Variants in PIGS observed in about 807,000 individuals in gnomAD.
PIGS encodes the protein phosphatidylinositol glycan anchor biosynthesis class S.
In PIGS, 37 loss-of-function variants were observed where a neutral mutation model predicts 58.2. The observed-to-expected ratio is 0.64, with a 90% CI of 0.49 to 0.84. The LOEUF (loss-of-function observed/expected upper bound fraction) is 0.84. Ranked by LOEUF, PIGS falls within the 40% of genes least tolerant of loss-of-function variation. The pLI is 0.00. For synonymous variants in PIGS, 269 were observed against 289.2 expected (o/e 0.93, Z 0.71); for missense variants, 629 against 710.8 (o/e 0.88, Z 1.31).
Position 28,556,268 on chromosome 17 carries a change from T to A in PIGS, c.1081-2A>T, listed in dbSNP as rs1393434492. 22 of 1,596,742 alleles carry A rather than the reference T, an allele frequency of 1.4e-5. No homozygotes were observed. The highest frequency in any genetic ancestry group is 1.9e-5 in the Non-Finnish European group (22 of 1,164,264). On this transcript the variant is annotated splice_acceptor_variant, in intron 9 of 11. Coordinates refer to ENST00000308360, the MANE Select transcript of PIGS (RefSeq NM_033198.4). LOFTEE classifies it high-confidence loss of function. ...GGTTTTGGAGTCAACATTATATACCTGAAAGGGGGAATGAGATTGCCACAA... is the reference window on the plus strand; with the variant it reads ...GGTTTTGGAGTCAACATTATATACCAGAAAGGGGGAATGAGATTGCCACAA...
chr17:28,561,204 G>C (rs1487368515), intron 6 of PIGS, among the ~76,000 whole-genome samples: 1 of 152,130 alleles, frequency 6.6e-6, no homozygotes, highest in African/African-American at 2.4e-5. Flanking sequence ...CTTGCAGTGA[G>C]CCGAGATAGT....
chr17:28,570,721 C>G (rs2070421778), intron 3 of PIGS, 131 bp downstream of exon 3: 1 of 820,218 alleles, frequency 1.2e-6, no homozygotes, highest in South Asian at 1.7e-5. Flanking sequence ...TGACCAAACA[C>G]ACTGTTCATT....
rs759955704 is a variant in PIGS, at chr17:28,561,462, C to G, written c.636G>C (p.Lys212Asn). The G allele has an allele frequency of 6.2e-7, 1 of 1,614,044 alleles. No homozygotes were observed. The highest frequency in any genetic ancestry group is 8.5e-7 in the Non-Finnish European group (1 of 1,179,934). ...GAGGCCGCCTCTTCTCAGCGCTCCA[C>G]TTGTCCTCTGGAAGGTGGTCAGCCA... ...AALADHLPED[K>N]WSAEKRRPLK... The change falls in exon 6 of 12, where the codon AAG becomes AAC. Residue 212 changes from lysine to asparagine, a missense_variant. Lys to Asn is a moderately conservative substitution (Grantham distance 94). Coordinates refer to ENST00000308360, the MANE Select transcript of PIGS (RefSeq NM_033198.4).
At position 28,564,371 on chromosome 17, in the gene PIGS, T is replaced by C. The variant is rs112857348; in HGVS notation, c.287-464A>G. 4.2e-3 allele frequency among the ~76,000 whole-genome samples: 643 copies of C among 152,072 alleles called. 6 individuals are homozygous for C. Among genetic ancestry groups the C allele is most frequent in the African/African-American group, 0.015 (602 of 41,456 alleles). On this transcript the variant is annotated intron_variant, in intron 3 of 11. Coordinates refer to ENST00000308360, the MANE Select transcript of PIGS (RefSeq NM_033198.4). ...TCCCTTGATCTCATGAGTTGGAGAT[T>C]AGCCTGGACAACATGATGAAACCCC...
At chr17:28,569,223 C>A (rs1030993279) in intron 3 of PIGS, among the ~76,000 whole-genome samples, 2 of 151,634 alleles carry the variant, frequency 1.3e-5, no homozygotes, top group African/African-American at 4.8e-5. Flanking sequence ...CACTTGTAAT[C>A]CCAGCACTTT....
intron 5 of PIGS, 150 bp downstream of exon 5, chr17:28,563,281 A>C: frequency 1.6e-6 from 1 of 625,694 alleles, no homozygotes; most frequent in South Asian, 2.0e-5. Flanking sequence ...CAACAGAGCA[A>C]GACTCCGTCT....
rs2070343947 is a variant in PIGS at position 28,558,461 on chromosome 17, T to A, written c.934+15A>T. ...GCCTGGCAGAAAAGAAAGACCCTCA[T>A]CCTTAGGTGCTCACCCAGCCGGGAC... On this transcript the variant is annotated intron_variant, in intron 8 of 11. Transcript: ENST00000308360. 6.3e-7 allele frequency: 1 copy of A among 1,590,250 alleles called. No homozygotes were observed. Among genetic ancestry groups the A allele is most frequent in the South Asian group, 1.1e-5 (1 of 88,758 alleles).
intron 3 of PIGS, among the ~76,000 whole-genome samples, chr17:28,566,250 C>A: frequency 6.8e-6 from 1 of 147,818 alleles, no homozygotes; most frequent in African/African-American, 2.5e-5. Flanking sequence ...AAAAAAGGAC[C>A]CCTTGTCTAC....
intron 8 of PIGS, chr17:28,557,437 C>T (rs990666196): frequency 1.1e-5 from 2 of 180,194 alleles, no homozygotes; most frequent in Admixed American, 1.3e-4. Flanking sequence ...GTCACTCACT[C>T]ACATTTCAGC....
chr17:28,559,491 G>A (rs2070349769), intron 7 of PIGS, among the ~76,000 whole-genome samples: 1 of 150,870 alleles, frequency 6.6e-6, no homozygotes, highest in African/African-American at 2.4e-5. Context: ...AATCAGCTGG[G>A]CAAAGATCAA....
chr17:28,568,251 C>T (rs901889832), intron 3 of PIGS, among the ~76,000 whole-genome samples: 28 of 152,022 alleles, frequency 1.8e-4, no homozygotes, highest in Non-Finnish European at 2.8e-4. Context: ...TACAGGCGCC[C>T]GCCACCACGC....
intron 9 of PIGS, chr17:28,556,539 G>A (rs1286006808): frequency 2.8e-6 from 2 of 720,470 alleles, no homozygotes; most frequent in Non-Finnish European, 5.0e-6. Context: ...GGGAGACAAG[G>A]CTCCCAACCT....
At chr17:28,570,097 C>T (rs145167175) in intron 3 of PIGS, among the ~76,000 whole-genome samples, 7 of 152,322 alleles carry the variant, frequency 4.6e-5, no homozygotes, top group African/African-American at 1.7e-4. Context: ...TATACTTCTA[C>T]TGTAATTTAT....
chr17:28,560,247 C>T (rs2070355368), intron 6 of PIGS, 56 bp from the exon 7 acceptor site: 1 of 1,559,166 alleles, frequency 6.4e-7, no homozygotes, highest in South Asian at 1.1e-5. Context: ...AGAAGAGGGG[C>T]AGCCTGTACT....
intron 3 of PIGS, among the ~76,000 whole-genome samples, chr17:28,565,233 A>T (rs890785201): frequency 5.3e-5 from 8 of 152,220 alleles, no homozygotes; most frequent in African/African-American, 1.9e-4. Flanking sequence ...AATTAGAAAC[A>T]TCTTTTAAAA....
At position 28,554,483 on chromosome 17, in the gene PIGS, C is replaced by T. The variant is rs1354878938; in HGVS notation, c.1405G>A (p.Val469Ile). ...TCTGCCGACTTCTGGACGGCAGCTA[C>T]AGCCTTGTACACCTAGGAAGGAGAA... ...DDVASEVYKA[V>I]AAVQKSAEEL... is the part of the protein sequence containing the mutation. The change falls in exon 12 of 12, where the codon GTA (valine) becomes ATA (isoleucine). Residue 469 changes from valine to isoleucine, a missense_variant. By Grantham distance (29) the Val-to-Ile change is conservative. Coordinates refer to ENST00000308360, the MANE Select transcript of PIGS (RefSeq NM_033198.4). 1.9e-6 allele frequency: 3 copies of T among 1,614,038 alleles called. No homozygotes were observed. The highest frequency in any genetic ancestry group is 2.5e-6 in the Non-Finnish European group (3 of 1,179,984).
chr17:28,553,421 A>G lies in PIGS; in HGVS notation c.*799T>C, dbSNP rs1334101360. 6.6e-6 allele frequency: 1 copy of G among 152,414 alleles called. No homozygotes were observed. Among genetic ancestry groups the G allele is most frequent in the African/African-American group, 2.4e-5 (1 of 41,364 alleles). 9.4% of individuals were successfully genotyped at this position (152,414 alleles called of 1,614,324 possible). A position where few individuals can be genotyped will look rare whatever the true frequency, so the allele number is the denominator to read the frequency against. On this transcript the variant is annotated 3_prime_UTR_variant, in exon 12 of 12. Coordinates refer to ENST00000308360, the MANE Select transcript of PIGS (RefSeq NM_033198.4). ...AATTCATATTCAGCCAGTGTTTATT[A>G]AGAGCCTACTACACGCCAGACACTT...
chr17:28,563,111 GC>G (rs2070373731), intron 5 of PIGS, among the ~76,000 whole-genome samples: 1 of 152,094 alleles, frequency 6.6e-6, no homozygotes, highest in South Asian at 2.1e-4. Context: ...TTCGAGACCA[GC>G]CTGACCAACG....
At position 28,570,839 on chromosome 17, in the gene PIGS, C is replaced by G. The variant is rs1246158719; in HGVS notation, c.286+13G>C. ...TCAGAGGCGAAAAGCAGCCCTGATC[C>G]CCAGTAACTCACATTTCAGAGGAAT... On this transcript the variant is annotated intron_variant, in intron 3 of 11. Coordinates refer to ENST00000308360, the MANE Select transcript of PIGS (RefSeq NM_033198.4). The G allele has an allele frequency of 6.2e-7, 1 of 1,613,884 alleles. No homozygotes were observed. Among genetic ancestry groups the G allele is most frequent in the East Asian group, 2.2e-5 (1 of 44,894 alleles).
Sources: gnomAD v4.1 joint callset for allele counts (sites outside exome capture counted in the v4.1 genomes callset) on GRCh38, gnomAD v4.1.1 for gene constraint, MANE v1.5 for transcripts, NCBI Gene and HGNC (gene_info 2026-07-23, HGNC 2026-07-21) for gene names.